The following ANKS1B variants were observed in gnomAD, a reference collection of about 807,000 sequenced individuals.
ANKS1B encodes ankyrin repeat and sterile alpha motif domain containing 1B.
ANKS1B carries 36 observed loss-of-function variants against 148.3 expected under a neutral mutation model. The observed-to-expected ratio is 0.24, with a 90% CI of 0.19 to 0.32. The LOEUF (loss-of-function observed/expected upper bound fraction) is 0.32. Ranked by LOEUF, ANKS1B falls within the 10% of genes least tolerant of loss-of-function variation. The pLI, the probability that ANKS1B is intolerant of heterozygous loss-of-function variation, is 1.00. For synonymous variants in ANKS1B, 542 were observed against 560.8 expected (o/e 0.97, Z 0.47); for missense variants, 1,157 against 1,542.6 (o/e 0.75, Z 4.19).
intron 1 of ANKS1B, among the ~76,000 whole-genome samples, chr12:99,855,322 T>C (rs1483418859): frequency 6.6e-6 from 1 of 152,094 alleles, no homozygotes; most frequent in Non-Finnish European, 1.5e-5. Context: ...AAAAGGGACA[T>C]TATATATTGA....
At chr12:99,561,866 T>C (rs1392315135) in intron 9 of ANKS1B, among the ~76,000 whole-genome samples, 2 of 152,244 alleles carry the variant, frequency 1.3e-5, no homozygotes, top group Non-Finnish European at 2.9e-5. Context: ...ATGTTCTTAA[T>C]AGCAAGTAGA....
At chr12:98,979,851 T>C (rs2099906578) in intron 17 of ANKS1B, among the ~76,000 whole-genome samples, 1 of 152,114 alleles carries the variant, frequency 6.6e-6, no homozygotes, top group African/African-American at 2.4e-5. Context: ...TGAGATATTA[T>C]CCCCCATCCA....
chr12:99,262,731 A>C (rs1441083010), intron 12 of ANKS1B, among the ~76,000 whole-genome samples: 2 of 152,038 alleles, frequency 1.3e-5, no homozygotes, highest in Non-Finnish European at 2.9e-5. Context: ...TTTGTCTAAA[A>C]ATTTATTGTC....
chr12:99,965,142 C>T (rs1179949565), intron 1 of ANKS1B, among the ~76,000 whole-genome samples: 1 of 152,080 alleles, frequency 6.6e-6, no homozygotes, highest in Non-Finnish European at 1.5e-5. Context: ...TCTAATGGCC[C>T]ACTTTCCAAT....
intron 1 of ANKS1B, among the ~76,000 whole-genome samples, chr12:99,922,169 T>A (rs71462295): frequency 0.11 from 17,091 of 152,178 alleles, 1,346 homozygotes; most frequent in Non-Finnish European, 0.17. Flanking sequence ...GCCTGACACA[T>A]AGCAAAATCT....
intron 14 of ANKS1B, among the ~76,000 whole-genome samples, chr12:99,195,521 G>A (rs560067196): frequency 1.3e-5 from 2 of 152,128 alleles, no homozygotes; most frequent in South Asian, 4.2e-4. Context: ...ACTTAAGAAA[G>A]AACTTCACAA....
intron 1 of ANKS1B, among the ~76,000 whole-genome samples, chr12:99,955,776 A>G (rs2095313528): frequency 6.6e-6 from 1 of 152,144 alleles, no homozygotes; most frequent in South Asian, 2.1e-4. Flanking sequence ...GAAGTACAGT[A>G]CCAGGCATGT....
intron 17 of ANKS1B, among the ~76,000 whole-genome samples, chr12:99,024,839 T>C (rs2153448103): frequency 6.6e-6 from 1 of 152,284 alleles, no homozygotes; most frequent in African/African-American, 2.4e-5. Flanking sequence ...GCTTGTGTCT[T>C]AATCATCCCA....
At chr12:99,963,804 T>G (rs1034188405) in intron 1 of ANKS1B, among the ~76,000 whole-genome samples, 2 of 152,340 alleles carry the variant, frequency 1.3e-5, no homozygotes, top group Admixed American at 6.5e-5. Flanking sequence ...TTTTATAATA[T>G]ACTTGTGTCA....
intron 1 of ANKS1B, among the ~76,000 whole-genome samples, chr12:99,909,472 A>G (rs940691445): frequency 6.6e-6 from 1 of 151,998 alleles, no homozygotes; most frequent in Non-Finnish European, 1.5e-5. Context: ...AGGAACCTCC[A>G]CTCAGTTTTC....
intron 8 of ANKS1B, among the ~76,000 whole-genome samples, chr12:99,674,444 AAGAAG>A (rs1425791883): frequency 3.3e-5 from 5 of 151,972 alleles, no homozygotes; most frequent in Admixed American, 6.6e-5. Flanking sequence ...AAATAAAAGA[AAGAAG>A]AGAAGAGCTA....
At chr12:99,729,643 A>C (rs2058947276) in intron 8 of ANKS1B, among the ~76,000 whole-genome samples, 1 of 152,184 alleles carries the variant, frequency 6.6e-6, no homozygotes, top group South Asian at 2.1e-4. Context: ...ATTTCTGACC[A>C]CTGTCTGCCT....
In ANKS1B at chr12:98,867,368, T is replaced by C. The variant is rs1027061748; in HGVS notation, c.2779-35232A>G. On this transcript the variant is annotated intron_variant, in intron 17 of 26. Coordinates refer to ENST00000683438, the MANE Select transcript of ANKS1B (RefSeq NM_001352186.2). The stretch of plus-strand genomic sequence containing the variant: ...TCTTTGGCTTCACAGACAAGAAAAA[T>C]GTAATCTATTTCCTACACGTGACAA... Among the ~76,000 whole-genome samples the C allele has an allele frequency of 3.9e-5, 6 of 152,130 alleles. No individual in the cohort carries two copies. The East Asian group carries it at 5.8e-4, about 15-fold the overall frequency.
intron 17 of ANKS1B, among the ~76,000 whole-genome samples, chr12:98,864,907 T>C (rs1378603376): frequency 6.6e-6 from 1 of 152,218 alleles, no homozygotes; most frequent in Non-Finnish European, 1.5e-5. Flanking sequence ...CCATTTATGA[T>C]ATCCCTCCTT....
chr12:99,407,097 A>G lies in ANKS1B; in HGVS notation c.1576-7286T>C, dbSNP rs150974640. 3.9e-3 allele frequency among the ~76,000 whole-genome samples: 571 copies of G among 146,038 alleles called. 84 individuals carry two copies. Among genetic ancestry groups the G allele is most frequent in the African/African-American group, 0.015 (562 of 38,634 alleles). ...CAAAAACAGAAAACTACGGGCCAAT[A>G]TTCCTGATGCATGTTGATGCAAAAA... On this transcript the variant is annotated intron_variant, in intron 11 of 26. Transcript: ENST00000683438.
chr12:99,444,593 G>A (rs968477928), intron 10 of ANKS1B, among the ~76,000 whole-genome samples: 1 of 151,852 alleles, frequency 6.6e-6, no homozygotes, highest in African/African-American at 2.4e-5. Flanking sequence ...AAATACTTGG[G>A]AAAGGATGAA....
At chr12:99,445,826 A>G (rs551698979) in intron 10 of ANKS1B, among the ~76,000 whole-genome samples, 1 of 152,048 alleles carries the variant, frequency 6.6e-6, no homozygotes, top group Admixed American at 6.6e-5. Context: ...GGCTCAAGTG[A>G]TCCTCCCACC....
chr12:99,911,450 A>C (rs1393890093), intron 1 of ANKS1B, among the ~76,000 whole-genome samples: 1 of 152,194 alleles, frequency 6.6e-6, no homozygotes, highest in East Asian at 1.9e-4. Flanking sequence ...ACTTACTTAA[A>C]AATCTGAGTC....
chr12:99,928,499 C>T (rs1030264826), intron 1 of ANKS1B, among the ~76,000 whole-genome samples: 2 of 151,702 alleles, frequency 1.3e-5, no homozygotes, highest in African/African-American at 2.4e-5. Context: ...AGGATGGTCT[C>T]GATCTCCTGA....
Sources: allele counts gnomAD v4.1 joint callset (sites outside exome capture counted in the v4.1 genomes callset), GRCh38; gene constraint gnomAD v4.1.1; transcripts MANE v1.5; gene names NCBI Gene and HGNC (gene_info 2026-07-23, HGNC 2026-07-21).